MYO1D: variants seen among roughly 807,000 people sequenced by gnomAD.
MYO1D encodes the protein unconventional myosin-Id.
A neutral mutation model predicts 122.0 loss-of-function variants in MYO1D; 83 were observed. The ratio of observed to expected loss-of-function variants is 0.68; its 90% CI spans 0.57 to 0.82. The LOEUF (loss-of-function observed/expected upper bound fraction) is 0.82, where lower values mean the gene tolerates loss of function less well. Ranked by LOEUF, MYO1D falls within the 40% of genes least tolerant of loss-of-function variation. The probability of loss-of-function intolerance (pLI) is 0.00; values close to 1 mark genes in which losing one functional copy is unlikely to be tolerated. For missense variants in MYO1D, 1,157 were observed against 1,269.5 expected (o/e 0.91, Z 1.35); for synonymous variants, 464 against 446.9 (o/e 1.04, Z -0.48).
At chr17:32,562,157 A>G (rs994369440) in intron 21 of MYO1D, among the ~76,000 whole-genome samples, 2 of 152,044 alleles carry the variant, frequency 1.3e-5, no homozygotes, top group Admixed American at 1.3e-4. Flanking sequence ...CGCTGGGCTA[A>G]GTAAGTTTTT....
chr17:32,512,604 A>G (rs1220448854), intron 21 of MYO1D, among the ~76,000 whole-genome samples: 1 of 152,330 alleles, frequency 6.6e-6, no homozygotes, highest in Non-Finnish European at 1.5e-5. Flanking sequence ...CTAGGCTCTC[A>G]GCACTGGGTC....
intron 16 of MYO1D, among the ~76,000 whole-genome samples, chr17:32,668,858 C>T (rs918782883): frequency 2.6e-5 from 4 of 152,000 alleles, no homozygotes; most frequent in South Asian, 2.1e-4. Flanking sequence ...CCCGCCACCA[C>T]GCCTGGCTAA....
At chr17:32,577,113 TG>T (rs1490733033) in intron 21 of MYO1D, among the ~76,000 whole-genome samples, 3 of 152,122 alleles carry the variant, frequency 2.0e-5, no homozygotes, top group Non-Finnish European at 2.9e-5. Flanking sequence ...TAGCCTGGTG[TG>T]GCAGTGGGTG....
chr17:32,550,965 CA>C lies in MYO1D; in HGVS notation c.2864+54121del, dbSNP rs200307505. Among the ~76,000 whole-genome samples the C allele has an allele frequency of 3.7e-3, 506 of 137,382 alleles. 6 individuals carry two copies. The highest frequency in any genetic ancestry group is 0.011 in the African/African-American group (383 of 36,022). 90.1% of individuals were successfully genotyped at this position (137,382 alleles called of 152,430 possible). A position where few individuals can be genotyped will look rare whatever the true frequency, so the allele number is the denominator to read the frequency against. On this transcript the variant is annotated intron_variant, in intron 21 of 21. Transcript: ENST00000318217. ...CTTCCAGCCCTAGGCAACAGAGTGT[CA>C]AAAAAAAGAGAAAGAAATGATAATA...
At chr17:32,863,740 C>T (rs567422632) in intron 1 of MYO1D, among the ~76,000 whole-genome samples, 40 of 152,226 alleles carry the variant, frequency 2.6e-4, no homozygotes, top group African/African-American at 9.2e-4. Flanking sequence ...TGAAAAGGCA[C>T]GAACATCTGA....
intron 21 of MYO1D, among the ~76,000 whole-genome samples, chr17:32,553,766 T>TTTC (rs1240627449): frequency 1.3e-5 from 2 of 152,130 alleles, no homozygotes; most frequent in Admixed American, 1.3e-4. Flanking sequence ...TGGCCATGTT[T>TTTC]TTCTTCTTCT....
intron 21 of MYO1D, among the ~76,000 whole-genome samples, chr17:32,547,149 C>T (rs1411458590): frequency 1.3e-5 from 2 of 152,110 alleles, no homozygotes; most frequent in African/African-American, 2.4e-5. Flanking sequence ...CAAGCAAATC[C>T]TCCCACCTCT....
At chr17:32,543,587 T>G (rs77728183) in intron 21 of MYO1D, among the ~76,000 whole-genome samples, 2 of 150,166 alleles carry the variant, frequency 1.3e-5, no homozygotes, top group Non-Finnish European at 3.0e-5. Flanking sequence ...AACAAACAAA[T>G]AAATAAATAA....
At chr17:32,557,410 A>T (rs1221496209) in intron 21 of MYO1D, among the ~76,000 whole-genome samples, 1 of 152,050 alleles carries the variant, frequency 6.6e-6, no homozygotes, top group Non-Finnish European at 1.5e-5. Context: ...TGCCCGGCCT[A>T]GTTCATCTTT....
At chr17:32,834,928 G>A (rs1011376758) in intron 1 of MYO1D, among the ~76,000 whole-genome samples, 71 of 152,080 alleles carry the variant, frequency 4.7e-4, no homozygotes, top group African/African-American at 1.6e-3. Context: ...AGGAGAATCC[G>A]CTGAACCCGG....
At chr17:32,525,536 A>G (rs552309518) in intron 21 of MYO1D, among the ~76,000 whole-genome samples, 17 of 152,072 alleles carry the variant, frequency 1.1e-4, no homozygotes, top group South Asian at 4.2e-4. Flanking sequence ...TGCATCTGAT[A>G]ACCTGCTCCT....
intron 16 of MYO1D, among the ~76,000 whole-genome samples, chr17:32,702,700 G>A (rs927068060): frequency 2.0e-5 from 3 of 152,180 alleles, no homozygotes; most frequent in Admixed American, 2.0e-4. Context: ...GGGACTGAAT[G>A]CATCTGAATA....
chr17:32,567,777 A>C (rs1183177974), intron 21 of MYO1D, among the ~76,000 whole-genome samples: 1 of 152,178 alleles, frequency 6.6e-6, no homozygotes, highest in Non-Finnish European at 1.5e-5. Flanking sequence ...CACCTACAGG[A>C]AGCATCTTAC....
intron 3 of MYO1D, 81 bp from the exon 4 acceptor site, chr17:32,776,110 A>C: frequency 1.6e-6 from 2 of 1,255,532 alleles, no homozygotes; most frequent in South Asian, 2.7e-5. Context: ...GCTAAACCAC[A>C]TACAAATATT....
intron 16 of MYO1D, among the ~76,000 whole-genome samples, chr17:32,667,395 T>C: frequency 6.6e-6 from 1 of 152,220 alleles, no homozygotes; most frequent in East Asian, 1.9e-4. Flanking sequence ...GGTTAATATG[T>C]AACAAGAAGA....
intron 14 of MYO1D, among the ~76,000 whole-genome samples, chr17:32,735,221 G>A (rs925051277): frequency 5.3e-5 from 8 of 151,520 alleles, no homozygotes; most frequent in Admixed American, 2.0e-4. Context: ...ATGGAGTCTC[G>A]CTCTGTTGCC....
intron 1 of MYO1D, among the ~76,000 whole-genome samples, chr17:32,856,784 T>C (rs551775024): frequency 3.9e-5 from 6 of 152,246 alleles, no homozygotes; most frequent in Non-Finnish European, 8.8e-5. Flanking sequence ...CCTTGGCCCT[T>C]TTCTCACATT....
chr17:32,785,833 T>C (rs192241675), intron 1 of MYO1D, among the ~76,000 whole-genome samples: 1 of 152,330 alleles, frequency 6.6e-6, no homozygotes, highest in Non-Finnish European at 1.5e-5. Flanking sequence ...TTGAGTCTAG[T>C]ATCACTTCAA....
chr17:32,664,331 T>G (rs544969753), intron 16 of MYO1D, among the ~76,000 whole-genome samples: 1 of 152,358 alleles, frequency 6.6e-6, no homozygotes, highest in South Asian at 2.1e-4. Context: ...TTTTCTCTCT[T>G]TGTTTAAAGC....
Sources: gnomAD v4.1 joint callset for allele counts (sites outside exome capture counted in the v4.1 genomes callset) on GRCh38, gnomAD v4.1.1 for gene constraint, MANE v1.5 for transcripts, NCBI Gene and HGNC (gene_info 2026-07-23, HGNC 2026-07-21) for gene names.